FAT3: variants seen among roughly 807,000 people sequenced by gnomAD.
The protein encoded by FAT3 is FAT atypical cadherin 3, also known as protocadherin Fat 3.
FAT3 carries 95 observed loss-of-function variants against 310.2 expected under a neutral mutation model. The ratio of observed to expected loss-of-function variants is 0.31; its 90% CI spans 0.26 to 0.36. The LOEUF is 0.36. FAT3 is among the 10% of genes least tolerant of loss of function. The pLI is 1.00. For missense variants in FAT3, 5,408 were observed against 5,715.6 expected, an observed-to-expected ratio of 0.95 and a Z score of 1.74; for synonymous variants, 2,314 against 2,192.9, an observed-to-expected ratio of 1.06 and a Z score of -1.54.
At chr11:92,346,924 T>C (rs924125608) in intron 1 of FAT3, among the ~76,000 whole-genome samples, 3 of 152,196 alleles carry the variant, frequency 2.0e-5, no homozygotes, top group African/African-American at 7.2e-5. Flanking sequence ...CTCCCTGTCT[T>C]GTGATTCCCA....
chr11:92,632,921 AC>A (rs542537200), intron 3 of FAT3, among the ~76,000 whole-genome samples: 110 of 152,300 alleles, frequency 7.2e-4, no homozygotes, highest in Admixed American at 3.5e-3. Flanking sequence ...ACTGCCCCTA[AC>A]AAAGTGGCTC....
intron 1 of FAT3, among the ~76,000 whole-genome samples, chr11:92,310,792 A>G (rs564683492): frequency 6.6e-6 from 1 of 152,002 alleles, no homozygotes; most frequent in South Asian, 2.1e-4. Flanking sequence ...CATGCTAAGC[A>G]TTTTTTCTGT....
At chr11:92,793,002 T>C (rs752059215) in intron 9 of FAT3, 25 bp downstream of exon 9, 1 of 1,608,838 alleles carries the variant, frequency 6.2e-7, no homozygotes, top group Non-Finnish European at 8.5e-7. Flanking sequence ...ACTGCACAGA[T>C]TTCAGCATAA....
At chr11:92,713,066 C>G (rs1413422007) in intron 4 of FAT3, among the ~76,000 whole-genome samples, 1 of 152,160 alleles carries the variant, frequency 6.6e-6, no homozygotes, top group Non-Finnish European at 1.5e-5. Flanking sequence ...GGCTTAAAGT[C>G]TGACATAAGA....
chr11:92,229,491 T>TTTTTTTTTTTTTTTTTTTTTTTTTC (rs1864065177), intron 1 of FAT3, among the ~76,000 whole-genome samples: 1 of 67,470 alleles, frequency 1.5e-5, no homozygotes, highest in Non-Finnish European at 3.0e-5. Flanking sequence ...TGTTTTTTCG[T>TTTTTTTTTTTTTTTTTTTTTTTTTC]GTTTTTTTTT....
intron 4 of FAT3, among the ~76,000 whole-genome samples, chr11:92,745,601 C>T (rs1945640803): frequency 8.0e-6 from 1 of 125,106 alleles, no homozygotes; most frequent in Non-Finnish European, 1.7e-5. Context: ...AAAAAAAAAG[C>T]TTTAAGAGAT....
chr11:92,352,953 A>G lies in FAT3; in HGVS notation c.841A>G (p.Thr281Ala). The G allele has an allele frequency of 6.2e-7, 1 of 1,613,916 alleles. No individual in the cohort carries two copies. Among genetic ancestry groups the G allele is most frequent in the Non-Finnish European group, 8.5e-7 (1 of 1,179,868 alleles). Reference protein sequence around the residue: ...HVPFSLEKEPTYAVVTVDDLD... With the variant: ...HVPFSLEKEPAYAVVTVDDLD... ...TCCTTTCTCGTTGGAAAAAGAGCCA[A>G]CATATGCAGTGGTGACAGTTGATGA... The change falls in exon 2 of 28, where the codon ACA becomes GCA. Residue 281 changes from threonine (T) to alanine (A), a missense_variant. By Grantham distance (58) the Thr-to-Ala change is moderately conservative (BLOSUM62 0). Coordinates refer to ENST00000525166, the MANE Select transcript of FAT3 (RefSeq NM_001367949.2).
At chr11:92,582,143 G>A (rs1160944014) in intron 3 of FAT3, among the ~76,000 whole-genome samples, 1 of 151,804 alleles carries the variant, frequency 6.6e-6, no homozygotes, top group Non-Finnish European at 1.5e-5. Flanking sequence ...ATAACAGTGA[G>A]GACAACTAGA....
At chr11:92,425,039 T>G (rs1184216155) in intron 2 of FAT3, among the ~76,000 whole-genome samples, 1 of 152,188 alleles carries the variant, frequency 6.6e-6, no homozygotes, top group East Asian at 1.9e-4. Context: ...AAATGTTATG[T>G]TTATTGTCTG....
chr11:92,669,556 A>G (rs1400879347), intron 3 of FAT3, among the ~76,000 whole-genome samples: 1 of 152,224 alleles, frequency 6.6e-6, no homozygotes, highest in African/African-American at 2.4e-5. Flanking sequence ...TATGCTTTAA[A>G]GACAATACCA....
At chr11:92,321,483 T>C (rs541900871) in intron 1 of FAT3, among the ~76,000 whole-genome samples, 1 of 152,016 alleles carries the variant, frequency 6.6e-6, no homozygotes, top group Non-Finnish European at 1.5e-5. Flanking sequence ...GTACTCTAGA[T>C]TATTAATTTA....
At chr11:92,351,949 T>C (rs1479302012) in intron 1 of FAT3, 147 bp from the exon 2 acceptor site, 1 of 343,198 alleles carries the variant, frequency 2.9e-6, no homozygotes, top group Non-Finnish European at 4.6e-6. Context: ...GTGGCAAGGT[T>C]TCTAATTTTT....
chr11:92,247,286 G>T (rs1004035324), intron 1 of FAT3, among the ~76,000 whole-genome samples: 2 of 151,832 alleles, frequency 1.3e-5, no homozygotes, highest in Non-Finnish European at 2.9e-5. Flanking sequence ...ACCTGTATCT[G>T]CCTTAACTTT....
At chr11:92,480,499 A>G (rs796069315) in intron 2 of FAT3, among the ~76,000 whole-genome samples, 5 of 152,118 alleles carry the variant, frequency 3.3e-5, no homozygotes, top group South Asian at 2.1e-4. Context: ...CTGGAATGCA[A>G]CTCATAGGGT....
At chr11:92,349,618 T>C (rs1672055582) in intron 1 of FAT3, among the ~76,000 whole-genome samples, 1 of 152,204 alleles carries the variant, frequency 6.6e-6, no homozygotes, top group African/African-American at 2.4e-5. Context: ...GATGTCTTTC[T>C]AGGAACTTAC....
chr11:92,361,857 G>C (rs1948890497), intron 2 of FAT3, among the ~76,000 whole-genome samples: 2 of 152,206 alleles, frequency 1.3e-5, no homozygotes, highest in African/African-American at 4.8e-5. Flanking sequence ...AGGCACTAGT[G>C]ACACAAACAG....
intron 2 of FAT3, among the ~76,000 whole-genome samples, chr11:92,363,437 C>T (rs1948929542): frequency 6.6e-6 from 1 of 152,176 alleles, no homozygotes; most frequent in South Asian, 2.1e-4. Flanking sequence ...ATATAAACTT[C>T]CTTTGTCTCA....
chr11:92,397,526 T>C (rs1565284650), intron 2 of FAT3, among the ~76,000 whole-genome samples: 1 of 152,182 alleles, frequency 6.6e-6, no homozygotes, highest in African/African-American at 2.4e-5. Context: ...CTTTTACTTA[T>C]GCAAAGTGGA....
At chr11:92,360,427 C>T (rs188246168) in intron 2 of FAT3, among the ~76,000 whole-genome samples, 36 of 152,336 alleles carry the variant, frequency 2.4e-4, no homozygotes, top group African/African-American at 8.2e-4. Context: ...ATTTAAATCA[C>T]TAGTCTGGAA....
Sources: allele counts gnomAD v4.1 joint callset (sites outside exome capture counted in the v4.1 genomes callset), GRCh38; gene constraint gnomAD v4.1.1; transcripts MANE v1.5; gene names NCBI Gene and HGNC (gene_info 2026-07-23, HGNC 2026-07-21).